The following ZNF514 variants were observed in gnomAD, a reference collection of about 807,000 sequenced individuals.
ZNF514 encodes zinc finger protein 514.
Under a neutral mutation model 9.7 loss-of-function variants are expected in ZNF514, and 12 were observed. That is an observed-to-expected ratio of 1.24 (90% CI 0.79 to 2.01). ZNF514 has a LOEUF of 2.01. ZNF514 is among the 30% of genes most tolerant of loss of function. The probability of loss-of-function intolerance (pLI) is 0.00; values close to 1 mark genes in which losing one functional copy is unlikely to be tolerated. For missense variants in ZNF514, 467 were observed against 465.5 expected (o/e 1.00, Z -0.03); for synonymous variants, 158 against 163.7 (o/e 0.97, Z 0.27).
downstream of ZNF514, among the ~76,000 whole-genome samples, chr2:95,144,686 C>G (rs1673318564): frequency 6.6e-6 from 1 of 152,140 alleles, no homozygotes; most frequent in Non-Finnish European, 1.5e-5. Flanking sequence ...GATATACATT[C>G]TAGAAAGTTA....
chr2:95,131,807 A>G, the ZNF514 span, among the ~76,000 whole-genome samples: 1 of 152,150 alleles, frequency 6.6e-6, no homozygotes, highest in Non-Finnish European at 1.5e-5. Context: ...AGACTTCCCC[A>G]AATTTTTTAT....
intron 2 of ZNF514, among the ~76,000 whole-genome samples, chr2:95,156,475 T>G (rs907730053): frequency 2.6e-5 from 4 of 152,222 alleles, no homozygotes; most frequent in African/African-American, 9.7e-5. Flanking sequence ...CCTTCCTCAC[T>G]AACTAGATAA....
intron 2 of ZNF514, 34 bp downstream of exon 2, chr2:95,157,317 A>G: frequency 8.0e-7 from 1 of 1,250,762 alleles, no homozygotes; most frequent in South Asian, 1.2e-5. Context: ...ACCATCGTTC[A>G]GGCATTTGAG....
chr2:95,142,267 T>C (rs138112855), downstream of ZNF514, among the ~76,000 whole-genome samples: 121 of 152,322 alleles, frequency 7.9e-4, no homozygotes, highest in African/African-American at 2.5e-3. Context: ...TAGGGAATAA[T>C]AGACAATGGC....
At chr2:95,126,658 C>G in the ZNF514 span, among the ~76,000 whole-genome samples, 1 of 151,986 alleles carries the variant, frequency 6.6e-6, no homozygotes, top group Admixed American at 6.6e-5. Context: ...ATCTGTATAC[C>G]CTCTTGAGTA....
intron 2 of ZNF514, chr2:95,154,537 A>C (rs1466771322): frequency 3.3e-5 from 5 of 152,284 alleles, no homozygotes; most frequent in Non-Finnish European, 7.3e-5. Context: ...GCCTTCAGTA[A>C]CTTGAAAGAT....
chr2:95,157,542 C>T (rs564112335), intron 1 of ZNF514, 103 bp from the exon 2 acceptor site: 4 of 563,214 alleles, frequency 7.1e-6, no homozygotes, highest in Admixed American at 5.1e-5. Flanking sequence ...ATGTCACCTC[C>T]GTTGTTCTGA....
chr2:95,144,058 T>C (rs1355012251), downstream of ZNF514, among the ~76,000 whole-genome samples: 1 of 152,210 alleles, frequency 6.6e-6, no homozygotes, highest in Non-Finnish European at 1.5e-5. Flanking sequence ...ACTGAATAAA[T>C]GCAAGTCTCA....
At chr2:95,140,062 T>C (rs1273178327), downstream of ZNF514, among the ~76,000 whole-genome samples, 2 of 151,910 alleles carry the variant, frequency 1.3e-5, no homozygotes, top group African/African-American at 4.8e-5. Context: ...TTCTCACTCA[T>C]AGGTGGGAAT....
chr2:95,135,819 C>G, the ZNF514 span, among the ~76,000 whole-genome samples: 1 of 152,004 alleles, frequency 6.6e-6, no homozygotes, highest in African/African-American at 2.4e-5. Flanking sequence ...TGCCTGTAAT[C>G]CCAGCACTCT....
downstream of ZNF514, among the ~76,000 whole-genome samples, chr2:95,140,965 A>G (rs1171898720): frequency 6.6e-6 from 1 of 151,144 alleles, no homozygotes; most frequent in African/African-American, 2.4e-5. Context: ...ACAGAGTGAG[A>G]CTTCATCTCA....
At chr2:95,126,911 AC>A in the ZNF514 span, among the ~76,000 whole-genome samples, 2 of 151,922 alleles carry the variant, frequency 1.3e-5, no homozygotes, top group Non-Finnish European at 2.9e-5. Context: ...TACAGGAATA[AC>A]CACGGGATGG....
chr2:95,124,752 C>T, the ZNF514 span, among the ~76,000 whole-genome samples: 2 of 152,078 alleles, frequency 1.3e-5, no homozygotes, highest in Non-Finnish European at 2.9e-5. Flanking sequence ...ATCCACCCAC[C>T]TCAGCCTCCC....
the ZNF514 span, among the ~76,000 whole-genome samples, chr2:95,134,178 T>A: frequency 6.6e-6 from 1 of 152,144 alleles, no homozygotes; most frequent in Non-Finnish European, 1.5e-5. Flanking sequence ...TCATAAACTT[T>A]GTGATTTTTA....
the ZNF514 span, among the ~76,000 whole-genome samples, chr2:95,131,104 C>G: frequency 6.6e-6 from 1 of 152,198 alleles, no homozygotes; most frequent in Non-Finnish European, 1.5e-5. Flanking sequence ...GGAGGATAGA[C>G]AGATTGACAG....
At chr2:95,153,863 G>C (rs968855906) in intron 2 of ZNF514, 1 of 152,096 alleles carries the variant, frequency 6.6e-6, no homozygotes, top group African/African-American at 2.4e-5. Context: ...ATATTGTATG[G>C]CAATCCACTA....
rs1254516847 is a variant in ZNF514, at chr2:95,152,693, G to T, written c.198C>A (p.Ile66=). 6.2e-7 allele frequency: 1 copy of T among 1,613,992 alleles called. No homozygotes were observed. The highest frequency in any genetic ancestry group is 1.3e-5 in the African/African-American group (1 of 74,898). ...ACTCACCTGAGTGGGCTCCTGTTGA[G>T]ATTTCTCTCTCCACCATGAAGGGCT... is the stretch of plus-strand genomic sequence containing the variant. ...GGEPFMVERE[I]STGAHSDWKR... Residue 66 remains isoleucine, a synonymous_variant, in exon 4 of 5, where the codon ATC becomes ATA. Transcript: ENST00000295208.
chr2:95,148,462 C>A lies in ZNF514; in HGVS notation c.*820G>T, dbSNP rs1673424983. ...GTTGGAAAGGAACTTTCCTCACATTCATCATGTTCCCAAGGTTTCTCTTTG... is the reference window on the plus strand; with the variant it reads ...GTTGGAAAGGAACTTTCCTCACATTAATCATGTTCCCAAGGTTTCTCTTTG... On this transcript the variant is annotated 3_prime_UTR_variant, in exon 5 of 5. Coordinates refer to ENST00000295208, the MANE Select transcript of ZNF514 (RefSeq NM_032788.3). 1 of 152,242 alleles carries A rather than the reference C, an allele frequency of 6.6e-6. No individual in the cohort carries two copies. Among genetic ancestry groups the A allele is most frequent in the Non-Finnish European group, 1.5e-5 (1 of 68,044 alleles). 9.4% of individuals were successfully genotyped at this position (152,242 alleles called of 1,614,324 possible). A position where few individuals can be genotyped will look rare whatever the true frequency, so the allele number is the denominator to read the frequency against.
chr2:95,142,868 G>A (rs943889047), downstream of ZNF514, among the ~76,000 whole-genome samples: 1 of 152,222 alleles, frequency 6.6e-6, no homozygotes, highest in Admixed American at 6.5e-5. Flanking sequence ...TCCCTAGATG[G>A]AATACAGATC....
Sources: gnomAD v4.1 joint callset for allele counts (sites outside exome capture counted in the v4.1 genomes callset) on GRCh38, gnomAD v4.1.1 for gene constraint, MANE v1.5 for transcripts, NCBI Gene and HGNC (gene_info 2026-07-23, HGNC 2026-07-21) for gene names.